Variants in IDH3G observed in about 807,000 individuals in gnomAD.
IDH3G encodes the protein isocitrate dehydrogenase [NAD] subunit gamma, mitochondrial.
IDH3G carries 9 observed loss-of-function variants against 26.9 expected under a neutral mutation model. That is an observed-to-expected ratio of 0.34 (90% CI 0.20 to 0.58). The LOEUF (loss-of-function observed/expected upper bound fraction) is 0.58. Among genes scored for constraint, IDH3G ranks in the 20% least tolerant of loss-of-function variants. The probability of loss-of-function intolerance (pLI) is 0.85; values close to 1 mark genes in which losing one functional copy is unlikely to be tolerated. For missense variants in IDH3G, 250 were observed against 372.8 expected, an observed-to-expected ratio of 0.67 and a Z score of 2.71; for synonymous variants, 181 against 160.0, an observed-to-expected ratio of 1.13 and a Z score of -0.99.
At chrX:153,792,179 C>G (rs2092111474) in intron 1 of IDH3G, 2 of 111,591 alleles carry the variant, frequency 1.8e-5, no homozygotes, top group African/African-American at 6.5e-5. Context: ...CTCCTCAACC[C>G]CTGAGCCCGA....
At chrX:153,786,326 G>C in intron 11 of IDH3G, 29 bp downstream of exon 11, 1 of 1,202,036 alleles carries the variant, frequency 8.3e-7, no homozygotes, top group Non-Finnish European at 1.1e-6. Context: ...GGCTGGCCAG[G>C]GGCTTGCGGG....
chrX:153,787,727 GC>G, intron 7 of IDH3G, 95 bp downstream of exon 7: 1 of 1,134,785 alleles, frequency 8.8e-7, no homozygotes, highest in African/African-American at 1.8e-5. Context: ...CTCGGGCACA[GC>G]CCCTGCCCTC....
Position 153,786,918 on chromosome X carries a change from G to C in IDH3G, c.807C>G (p.Val269=), listed in dbSNP as rs781845860. ...TGCCATAGAGATTGGGCATCACCATGACATCAAACTGCTGGGGCCGGGACA... is the reference window on the plus strand; with the variant it reads ...TGCCATAGAGATTGGGCATCACCATCACATCAAACTGCTGGGGCCGGGACA... The part of the protein sequence containing the change: ...QLVSRPQQFD[V]MVMPNLYGNI... Residue 269 remains valine (V), a synonymous_variant, in exon 10 of 13, where the codon GTC becomes GTG. Transcript: ENST00000217901. The C allele has an allele frequency of 2.5e-6, 3 of 1,210,279 alleles. No individual in the cohort carries two copies. The highest frequency in any genetic ancestry group is 3.4e-6 in the Non-Finnish European group (3 of 894,274).
chrX:153,791,841 A>C (rs1225944643), intron 1 of IDH3G, among the ~76,000 whole-genome samples: 1 of 112,311 alleles, frequency 8.9e-6, no homozygotes, highest in African/African-American at 3.2e-5. Flanking sequence ...CATCAGTCCA[A>C]GCCAGGGGCT....
intron 12 of IDH3G, 69 bp downstream of exon 12, chrX:153,786,143 G>C (rs2092086490): frequency 8.3e-7 from 1 of 1,202,238 alleles, no homozygotes; most frequent in African/African-American, 1.7e-5. Flanking sequence ...CAGTGCATGA[G>C]GCGGGCTACA....
rs573556260 is a variant in IDH3G, at chrX:153,789,421, G to A, written c.346+291C>T. ...CAGCTGGGCGTGGTGGCGGGCGCCT[G>A]TAATCTCAGCTACTCGGGAGGCTGA... On this transcript the variant is annotated intron_variant, in intron 5 of 12. Coordinates refer to ENST00000217901, the MANE Select transcript of IDH3G (RefSeq NM_004135.4). Among the ~76,000 whole-genome samples, 3 of 112,453 alleles carry A rather than the reference G, an allele frequency of 2.7e-5. No individual in the cohort carries two copies. In the South Asian group the frequency reaches 1.1e-3, roughly 41 times the overall value.
At chrX:153,787,026 G>C in intron 9 of IDH3G, 25 bp downstream of exon 9, 1 of 1,191,496 alleles carries the variant, frequency 8.4e-7, no homozygotes, top group Non-Finnish European at 1.1e-6. Context: ...TCAGGGCAGG[G>C]GGACAGCACT....
rs2092088103 is a variant in IDH3G, at chrX:153,786,412, T to C, written c.962A>G (p.Asn321Ser). 1 of 1,202,499 alleles carries C rather than the reference T, an allele frequency of 8.3e-7. No individual in the cohort carries two copies. The highest frequency in any genetic ancestry group is 1.1e-6 in the Non-Finnish European group (1 of 890,598). ...CAGGGTGGCCGTGGGGTTGGCGATG[T>C]TCTTATTGGCGATACTCTTGCCGGT... ...RNTGKSIANK[N>S]IANPTATLLA... Residue 321 changes from asparagine (N) to serine (S), a missense_variant, in exon 11 of 13, where the codon AAC becomes AGC. Physicochemically the swap from Asn to Ser is conservative, Grantham distance 46. Around this residue, in one of 2 missense-constraint regions of IDH3G, gnomAD observed 201 missense variants for 331.3 expected, o/e 0.61. Transcript: ENST00000217901.
chrX:153,791,326 T>G, intron 1 of IDH3G: 1 of 121,051 alleles, frequency 8.3e-6, no homozygotes, highest in Non-Finnish European at 1.7e-5. Flanking sequence ...AAAAGCAGAA[T>G]AGGGAGATAA....
At chrX:153,789,898 C>T (rs1897952706) in intron 4 of IDH3G, 74 bp from the exon 5 acceptor site, 1 of 698,997 alleles carries the variant, frequency 1.4e-6, no homozygotes, top group Non-Finnish European at 2.2e-6. Flanking sequence ...CCCAGGCTAC[C>T]TCTCTCCTGT....
rs2092093935 is a variant in IDH3G at position 153,787,574 on chromosome X, G to A, written c.564C>T (p.Ser188=). 1 of 1,207,766 alleles carries A rather than the reference G, an allele frequency of 8.3e-7. No individual in the cohort carries two copies. The highest frequency in any genetic ancestry group is 1.7e-5 in the African/African-American group (1 of 57,427). ...ACTTGGCCTTGGTGATGATCTTCAGGCTCTCCACCACTCCCGCCACACTCT... is the reference window on the plus strand; with the variant it reads ...ACTTGGCCTTGGTGATGATCTTCAGACTCTCCACCACTCCCGCCACACTCT... ...EHESVAGVVE[S]LKIITKAKSL... The change falls in exon 8 of 13, where the codon AGC becomes AGT. Residue 188 remains serine, a synonymous_variant. Transcript: ENST00000217901.
Position 153,785,964 on chromosome X carries a change from G to C in IDH3G, c.1090C>G (p.Pro364Ala), listed in dbSNP as rs782138925. ...GTTGTGCCCTGGCCCCCGATGTCCG[G>C]AGTGTGCATCTGTAGGACACAGGCA... ...ASMDNENMHT[P>A]DIGGQGTTSE... The change falls in exon 13 of 13, where the codon CCG (proline) becomes GCG (alanine). Residue 364 changes from proline (P) to alanine (A), a missense_variant. Physicochemically the swap from Pro to Ala is conservative, Grantham distance 27. Around this residue, in one of 2 missense-constraint regions of IDH3G, gnomAD observed 201 missense variants for 331.3 expected, o/e 0.61. Transcript: ENST00000217901. The C allele has an allele frequency of 3.3e-6, 4 of 1,211,114 alleles. No individual in the cohort carries two copies. Among genetic ancestry groups the C allele is most frequent in the Admixed American group, 4.3e-5 (2 of 46,128 alleles).
chrX:153,790,874 G>A (rs781913309), intron 1 of IDH3G, 23 bp from the exon 2 acceptor site: 21 of 1,205,754 alleles, frequency 1.7e-5, no homozygotes, highest in East Asian at 1.5e-4. Context: ...AAATGCCAGC[G>A]GTTGGTTTGA....
chrX:153,789,629 G>T, intron 5 of IDH3G, 83 bp downstream of exon 5: 2 of 569,438 alleles, frequency 3.5e-6, no homozygotes, highest in South Asian at 2.8e-5. Flanking sequence ...AAGCAAGCGA[G>T]CAAGTAAGCA....
intron 5 of IDH3G, among the ~76,000 whole-genome samples, chrX:153,788,783 T>A (rs60949501): frequency 1.8e-5 from 2 of 112,291 alleles, no homozygotes; most frequent in African/African-American, 3.2e-5. Flanking sequence ...GGCCTGGGGC[T>A]CCCCCTGGGT....
At chrX:153,786,132 T>C in intron 12 of IDH3G, 80 bp downstream of exon 12, 1 of 1,198,723 alleles carries the variant, frequency 8.3e-7, no homozygotes, top group South Asian at 1.8e-5. Flanking sequence ...GGGGCTGTGG[T>C]CAGTGCATGA....
chrX:153,792,704 T>C (rs2092113840), intron 1 of IDH3G, among the ~76,000 whole-genome samples: 1 of 112,561 alleles, frequency 8.9e-6, no homozygotes, highest in Admixed American at 9.4e-5. Context: ...GTGCCAGGTG[T>C]TCCTTTGGGC....
At chrX:153,794,142 T>G (rs1294021876) in intron 1 of IDH3G, 104 bp downstream of exon 1, 2 of 922,043 alleles carry the variant, frequency 2.2e-6, no homozygotes, top group Non-Finnish European at 2.9e-6. Flanking sequence ...TCCCCGCCCC[T>G]GGTGGGGCCC....
Position 153,785,799 on chromosome X carries a change from G to T in IDH3G, c.*73C>A. 8.9e-7 allele frequency: 1 copy of T among 1,128,224 alleles called. No homozygotes were observed. Among genetic ancestry groups the T allele is most frequent in the Non-Finnish European group, 1.2e-6 (1 of 824,374 alleles). The allele number at this position is 1,128,224 out of a possible 1,213,427, so 93.0% of individuals were successfully genotyped here. A position where few individuals can be genotyped will look rare whatever the true frequency, so the allele number is the denominator to read the frequency against. ...GAAGGTGCTTTATTCTGGGATCTGCGTACCAGGCTGGCTGGGGTGCTGGAG... is the reference window on the plus strand; with the variant it reads ...GAAGGTGCTTTATTCTGGGATCTGCTTACCAGGCTGGCTGGGGTGCTGGAG... On this transcript the variant is annotated 3_prime_UTR_variant, in exon 13 of 13. Transcript: ENST00000217901.
Sources: gnomAD v4.1 joint callset for allele counts (sites outside exome capture counted in the v4.1 genomes callset) on GRCh38, gnomAD v4.1.1 for gene constraint, gnomAD v4.1.1 regional missense constraint, MANE v1.5 for transcripts, NCBI Gene and HGNC (gene_info 2026-07-23, HGNC 2026-07-21) for gene names.